RNF216: variants seen among roughly 807,000 people sequenced by gnomAD.
RNF216 encodes ring finger protein 216.
In RNF216, 72 loss-of-function variants were observed where a neutral mutation model predicts 110.8. That is an observed-to-expected ratio of 0.65 (90% CI 0.54 to 0.79). RNF216 has a LOEUF of 0.79. Among genes scored for constraint, RNF216 ranks in the 30% least tolerant of loss-of-function variants. RNF216 has a pLI of 0.00. For synonymous variants in RNF216, 495 were observed against 407.5 expected (o/e 1.21, Z -2.59); for missense variants, 1,342 against 1,141.2 (o/e 1.18, Z -2.54).
At chr7:5,749,353 G>T (rs1473016122) in intron 3 of RNF216, among the ~76,000 whole-genome samples, 2 of 152,078 alleles carry the variant, frequency 1.3e-5, no homozygotes, top group Admixed American at 6.6e-5. Context: ...GTTTCACCAT[G>T]TTGGCCAGGC....
At chr7:5,636,456 G>A (rs1291857654) in intron 15 of RNF216, among the ~76,000 whole-genome samples, 1 of 152,188 alleles carries the variant, frequency 6.6e-6, no homozygotes, top group Non-Finnish European at 1.5e-5. Flanking sequence ...AGTCATTAAG[G>A]ATGAAAACTC....
chr7:5,719,503 G>A (rs577813327), intron 9 of RNF216, among the ~76,000 whole-genome samples: 4 of 152,306 alleles, frequency 2.6e-5, no homozygotes, highest in African/African-American at 9.6e-5. Flanking sequence ...AGACTACAGG[G>A]GTCGGGTTAA....
At chr7:5,645,960 C>T (rs1043364299) in intron 14 of RNF216, among the ~76,000 whole-genome samples, 1 of 152,148 alleles carries the variant, frequency 6.6e-6, no homozygotes, top group Admixed American at 6.5e-5. Context: ...TAGTTCTTTG[C>T]CCATGGTTTC....
At chr7:5,662,673 A>T (rs1789223199) in intron 13 of RNF216, 1 of 152,282 alleles carries the variant, frequency 6.6e-6, no homozygotes, top group Non-Finnish European at 1.5e-5. Flanking sequence ...TGCCAGAGAG[A>T]GGGATCGGTA....
At chr7:5,647,328 CTTTTTTTTT>C (rs10617479) in intron 14 of RNF216, among the ~76,000 whole-genome samples, 2 of 94,812 alleles carry the variant, frequency 2.1e-5, no homozygotes, top group Non-Finnish European at 4.2e-5. Context: ...TTCTTTCTTT[CTTTTTTTTT>C]TTTTTTTTTT....
rs549137199 is a variant in RNF216, at chr7:5,737,104, T to C, written c.1121+2172A>G. On this transcript the variant is annotated intron_variant, in intron 5 of 16. Transcript: ENST00000389902. Reference sequence around the variant, plus strand: ...AAAAGGGGGAAATGTGGGGAAAAGATAGAGAAATCAGATTGTTGCTGTGTC... The same window carrying C: ...AAAAGGGGGAAATGTGGGGAAAAGACAGAGAAATCAGATTGTTGCTGTGTC... Among the ~76,000 whole-genome samples, 4 of 152,360 alleles carry C rather than the reference T, an allele frequency of 2.6e-5. No homozygotes were observed. The South Asian group carries it at 6.2e-4, about 24-fold the overall frequency.
At chr7:5,623,465 CTTTT>C (rs34566454) in intron 16 of RNF216, among the ~76,000 whole-genome samples, 2 of 142,180 alleles carry the variant, frequency 1.4e-5, no homozygotes, top group African/African-American at 2.6e-5. Flanking sequence ...GACTCAGTTA[CTTTT>C]TTTTTTTTTT....
At chr7:5,701,404 C>T (rs1399217177) in intron 13 of RNF216, among the ~76,000 whole-genome samples, 2 of 152,178 alleles carry the variant, frequency 1.3e-5, no homozygotes, top group African/African-American at 4.8e-5. Context: ...GCAGTTCCCC[C>T]TTTCTAGGAT....
intron 13 of RNF216, among the ~76,000 whole-genome samples, chr7:5,657,494 G>A (rs182095075): frequency 0.018 from 2,669 of 152,288 alleles, 35 homozygotes; most frequent in Non-Finnish European, 0.028. Flanking sequence ...TTGAACCCAG[G>A]AGGTAGTGGT....
intron 4 of RNF216, 80 bp downstream of exon 4, chr7:5,740,890 CTTT>C: frequency 9.0e-7 from 1 of 1,116,794 alleles, no homozygotes; most frequent in South Asian, 1.9e-5. Context: ...ATACCAACAA[CTTT>C]TTTTTTTGCA....
chr7:5,685,456 T>C (rs901865740), intron 13 of RNF216, among the ~76,000 whole-genome samples: 1 of 152,164 alleles, frequency 6.6e-6, no homozygotes, highest in African/African-American at 2.4e-5. Flanking sequence ...GCTATAGAAA[T>C]TGTTCTGTTA....
chr7:5,664,069 G>A (rs115742726), intron 13 of RNF216, among the ~76,000 whole-genome samples: 6,358 of 152,212 alleles, frequency 0.042, 177 homozygotes, highest in East Asian at 0.092. Context: ...CTAGGGCCTA[G>A]CACTAGATTT....
intron 15 of RNF216, among the ~76,000 whole-genome samples, chr7:5,628,107 C>T (rs186772612): frequency 9.9e-4 from 151 of 152,206 alleles, no homozygotes; most frequent in African/African-American, 3.3e-3. Flanking sequence ...CCTCAGAGTC[C>T]CAAGGGAATA....
At chr7:5,667,893 G>A (rs2128591819) in intron 13 of RNF216, among the ~76,000 whole-genome samples, 1 of 152,350 alleles carries the variant, frequency 6.6e-6, no homozygotes. Context: ...TGGGGTCTGG[G>A]CATGGGATGG....
chr7:5,628,501 T>C (rs908891534), intron 15 of RNF216, among the ~76,000 whole-genome samples: 1 of 152,154 alleles, frequency 6.6e-6, no homozygotes, highest in Non-Finnish European at 1.5e-5. Context: ...TTTTAGCTAA[T>C]ATGTTAGACT....
rs1468592577 is a variant in RNF216, at chr7:5,725,410, T to C, written c.1418A>G (p.Gln473Arg). 3.1e-6 allele frequency: 5 copies of C among 1,613,064 alleles called. No homozygotes were observed. Among genetic ancestry groups the C allele is most frequent in the African/African-American group, 1.3e-5 (1 of 74,916 alleles). ...TCCACTGGTTTCTGGTGACAGCTCC[T>C]GCCATTTTTTAATGGCATCAGACAA... is the stretch of plus-strand genomic sequence containing the variant. Reference protein sequence around the residue: ...KALSDAIKKWQELSPETSGKR... With the variant: ...KALSDAIKKWRELSPETSGKR... The change falls in exon 8 of 17, where the codon CAG becomes CGG. Residue 473 changes from glutamine to arginine, a missense_variant. Coordinates refer to ENST00000389902, the MANE Select transcript of RNF216 (RefSeq NM_207111.4).
chr7:5,655,131 T>G (rs1214942455), intron 13 of RNF216, among the ~76,000 whole-genome samples: 3 of 152,210 alleles, frequency 2.0e-5, no homozygotes, highest in African/African-American at 7.2e-5. Flanking sequence ...GAAACCCCAT[T>G]TTTGAGATGA....
At chr7:5,735,743 T>C (rs10276016) in intron 5 of RNF216, among the ~76,000 whole-genome samples, 8,501 of 152,244 alleles carry the variant, frequency 0.056, 795 homozygotes, top group African/African-American at 0.19. Flanking sequence ...TATGGCCTGG[T>C]AGTGTACACT....
In RNF216 at chr7:5,623,134, T is replaced by C; in HGVS notation, c.2498A>G (p.Glu833Gly). 1 of 1,592,720 alleles carries C rather than the reference T, an allele frequency of 6.3e-7. No individual in the cohort carries two copies. Among genetic ancestry groups the C allele is most frequent in the Non-Finnish European group, 8.6e-7 (1 of 1,164,440 alleles). The change falls in exon 17 of 17, where the codon GAG (glutamate) becomes GGG (glycine). Residue 833 changes from glutamate to glycine, a missense_variant. Coordinates refer to ENST00000389902, the MANE Select transcript of RNF216 (RefSeq NM_207111.4). ...GAGGGCCTCCACCCTCTGCACCTTCTCCACAGGCTTCTCCAGCGGGGGTCC... is the reference window on the plus strand; with the variant it reads ...GAGGGCCTCCACCCTCTGCACCTTCCCCACAGGCTTCTCCAGCGGGGGTCC... ...RIGPPLEKPV[E>G]KVQRVEALPR...
Sources: allele counts gnomAD v4.1 joint callset (sites outside exome capture counted in the v4.1 genomes callset), GRCh38; gene constraint gnomAD v4.1.1; transcripts MANE v1.5; gene names NCBI Gene and HGNC (gene_info 2026-07-23, HGNC 2026-07-21).